Variants in UQCRB observed in about 807,000 individuals in gnomAD.
The protein encoded by UQCRB is ubiquinol-cytochrome c reductase binding protein, also known as cytochrome b-c1 complex subunit 7.
In UQCRB, 12 loss-of-function variants were observed where a neutral mutation model predicts 19.8. The observed-to-expected ratio is 0.61, with a 90% CI of 0.39 to 0.98. The LOEUF is 0.98. Ranked by LOEUF, UQCRB falls within the 50% of genes least tolerant of loss-of-function variation. UQCRB has a pLI of 0.00. For synonymous variants in UQCRB, 39 were observed against 42.9 expected (o/e 0.91, Z 0.35); for missense variants, 142 against 131.8 (o/e 1.08, Z -0.38).
chr8:96,235,353 G>C, intron 1 of UQCRB, 159 bp downstream of exon 1: 1 of 1,095,320 alleles, frequency 9.1e-7, no homozygotes, highest in South Asian at 1.3e-5. Flanking sequence ...GACAGCAAAC[G>C]AGTGGGGAAG....
chr8:96,225,751 G>A lies in UQCRB; in HGVS notation c.*5304C>T, dbSNP rs570231256. ...AGGCCCTGATTCCCATCCAGGTTTA[G>A]TTAGTTTACCTTCTCCATGTTTCCA... is the stretch of plus-strand genomic sequence containing the variant. On this transcript the variant is annotated 3_prime_UTR_variant, in exon 4 of 4. Transcript: ENST00000287022. 6.6e-6 allele frequency among the ~76,000 whole-genome samples: 1 copy of A among 151,934 alleles called. No homozygotes were observed. The highest frequency in any genetic ancestry group is 1.9e-4 in the East Asian group (1 of 5,180).
At position 96,232,227 on chromosome 8, in the gene UQCRB, A is replaced by G. The variant is rs1028806348; in HGVS notation, c.92-287T>C. The G allele has an allele frequency of 1.1e-4, 41 of 362,840 alleles. No individual in the cohort carries two copies. In the Middle Eastern group the frequency reaches 4.1e-3, roughly 36 times the overall value. 22.5% of individuals were successfully genotyped at this position (362,840 alleles called of 1,614,324 possible). On this transcript the variant is annotated intron_variant, in intron 2 of 3. Coordinates refer to ENST00000287022, the MANE Select transcript of UQCRB (RefSeq NM_006294.5). ...GCCTCTTAAAATCCAATGCCACAAA[A>G]TTCATATTTTATCTAAACCATTTAC... is the stretch of plus-strand genomic sequence containing the variant.
chr8:96,227,534 T>C lies in UQCRB; in HGVS notation c.*3521A>G. 1 of 454,148 alleles carries C rather than the reference T, an allele frequency of 2.2e-6. No homozygotes were observed. Among genetic ancestry groups the C allele is most frequent in the Non-Finnish European group, 4.4e-6 (1 of 226,796 alleles). 28.1% of individuals were successfully genotyped at this position (454,148 alleles called of 1,614,324 possible). A position where few individuals can be genotyped will look rare whatever the true frequency, so the allele number is the denominator to read the frequency against. On this transcript the variant is annotated 3_prime_UTR_variant, in exon 4 of 4. Coordinates refer to ENST00000287022, the MANE Select transcript of UQCRB (RefSeq NM_006294.5). ...CTGATACTGTCCCTCCTAAAATCCA[T>C]GCTTCCTCCCATACACCATAAACCC...
chr8:96,223,320 T>C lies in UQCRB; in HGVS notation c.*7735A>G, dbSNP rs1017269443. 2.6e-5 allele frequency among the ~76,000 whole-genome samples: 4 copies of C among 152,184 alleles called. No homozygotes were observed. The highest frequency in any genetic ancestry group is 6.6e-5 in the Admixed American group (1 of 15,266). On this transcript the variant is annotated 3_prime_UTR_variant, in exon 4 of 4. Coordinates refer to ENST00000287022, the MANE Select transcript of UQCRB (RefSeq NM_006294.5). Reference sequence around the variant, plus strand: ...TAAAAAAGAAAAGACAACATAGCAATTTCAAGGAAGACAGAATTTAACTTT... The same window carrying C: ...TAAAAAAGAAAAGACAACATAGCAACTTCAAGGAAGACAGAATTTAACTTT...
In UQCRB at chr8:96,223,867, A is replaced by T. The variant is rs1045819483; in HGVS notation, c.*7188T>A. Among the ~76,000 whole-genome samples the T allele has an allele frequency of 1.2e-4, 19 of 152,276 alleles. No individual in the cohort carries two copies. Among genetic ancestry groups the T allele is most frequent in the African/African-American group, 4.6e-4 (19 of 41,560 alleles). ...CTGCATTAAATTGTGTAGAAGAGTA[A>T]GTCTCTGATTGGAAGCAGATCTATC... On this transcript the variant is annotated 3_prime_UTR_variant, in exon 4 of 4. Transcript: ENST00000287022.
intron 1 of UQCRB, chr8:96,234,677 A>C: frequency 2.4e-6 from 1 of 418,266 alleles, no homozygotes; most frequent in South Asian, 1.9e-5. Flanking sequence ...GAAAAGGATC[A>C]ACATTTTTTA....
At position 96,230,057 on chromosome 8, in the gene UQCRB, A is replaced by G; in HGVS notation, c.*998T>C. On this transcript the variant is annotated 3_prime_UTR_variant, in exon 4 of 4. Transcript: ENST00000287022. ...CAAAGAAAGCATTTCAGAATTTAGG[A>G]GTGGAAATGATGACAACATTGAATA... 2.2e-6 allele frequency: 1 copy of G among 454,032 alleles called. No individual in the cohort carries two copies. The highest frequency in any genetic ancestry group is 2.3e-5 in the Admixed American group (1 of 42,572). 28.1% of individuals were successfully genotyped at this position (454,032 alleles called of 1,614,324 possible). A position where few individuals can be genotyped will look rare whatever the true frequency, so the allele number is the denominator to read the frequency against.
Position 96,230,706 on chromosome 8 carries a change from A to G in UQCRB, c.*349T>C. The G allele has an allele frequency of 4.2e-6, 2 of 479,836 alleles. No individual in the cohort carries two copies. Among genetic ancestry groups the G allele is most frequent in the Non-Finnish European group, 8.1e-6 (2 of 245,688 alleles). The allele number at this position is 479,836 out of a possible 1,614,324, so 29.7% of individuals were successfully genotyped here. On this transcript the variant is annotated 3_prime_UTR_variant, in exon 4 of 4. Coordinates refer to ENST00000287022, the MANE Select transcript of UQCRB (RefSeq NM_006294.5). ...TCAATCTTGGCAAACTAGGGGGTGC[A>G]TACCCCCTTCTTTTATTCAGTAGCT...
chr8:96,232,493 T>C (rs1809699402), intron 2 of UQCRB: 1 of 154,148 alleles, frequency 6.5e-6, no homozygotes, highest in East Asian at 1.9e-4. Flanking sequence ...TGATAAAATT[T>C]TAATATTCAA....
intron 3 of UQCRB, 140 bp downstream of exon 3, chr8:96,231,634 T>C: frequency 7.1e-7 from 1 of 1,398,818 alleles, no homozygotes; most frequent in Non-Finnish European, 1.0e-6. Flanking sequence ...AAAACGGAAA[T>C]AACATTTGCT....
At position 96,229,728 on chromosome 8, in the gene UQCRB, T is replaced by C. The variant is rs569702372; in HGVS notation, c.*1327A>G. 2 of 453,512 alleles carry C rather than the reference T, an allele frequency of 4.4e-6. No individual in the cohort carries two copies. The highest frequency in any genetic ancestry group is 8.8e-6 in the Non-Finnish European group (2 of 226,706). The allele number at this position is 453,512 out of a possible 1,614,324, so 28.1% of individuals were successfully genotyped here. A position where few individuals can be genotyped will look rare whatever the true frequency, so the allele number is the denominator to read the frequency against. ...ACCATACAAAAGAAAATTGACATGA[T>C]TTCAGGATAGGTTTAGAAAAATAAC... On this transcript the variant is annotated 3_prime_UTR_variant, in exon 4 of 4. Coordinates refer to ENST00000287022, the MANE Select transcript of UQCRB (RefSeq NM_006294.5).
chr8:96,231,193 A>G (rs763051469), intron 3 of UQCRB, 61 bp from the exon 4 acceptor site: 4 of 1,613,774 alleles, frequency 2.5e-6, no homozygotes, highest in Non-Finnish European at 3.4e-6. Context: ...CAAACACTCA[A>G]CAGGTCTTCA....
intron 1 of UQCRB, chr8:96,235,272 A>G: frequency 1.6e-6 from 1 of 620,638 alleles, no homozygotes; most frequent in Non-Finnish European, 2.9e-6. Context: ...CAGGGCTGTC[A>G]GAGCCACCGC....
At chr8:96,231,223 T>A in intron 3 of UQCRB, 91 bp from the exon 4 acceptor site, 1 of 1,612,330 alleles carries the variant, frequency 6.2e-7, no homozygotes, top group East Asian at 2.2e-5. Context: ...AAAAAGCAAT[T>A]ACTTTTGAAT....
chr8:96,227,858 G>T lies in UQCRB; in HGVS notation c.*3197C>A, dbSNP rs1278041307. On this transcript the variant is annotated 3_prime_UTR_variant, in exon 4 of 4. Transcript: ENST00000287022. ...AAAATGTACACTTTGGATTTATTAA[G>T]ATTCTAGAATTTAAAAACAGGAAAA... is the stretch of plus-strand genomic sequence containing the variant. The T allele has an allele frequency of 2.2e-6, 1 of 454,004 alleles. No homozygotes were observed. Among genetic ancestry groups the T allele is most frequent in the Non-Finnish European group, 4.4e-6 (1 of 226,766 alleles). The allele number at this position is 454,004 out of a possible 1,614,324, so 28.1% of individuals were successfully genotyped here. A position where few individuals can be genotyped will look rare whatever the true frequency, so the allele number is the denominator to read the frequency against.
rs1295076450 is a variant in UQCRB at position 96,229,027 on chromosome 8, T to C, written c.*2028A>G. Reference sequence around the variant, plus strand: ...CACCCATTCACCTGTGTGAGCCAAATACTAGATCTACTTTCTTAGTCTTCA... The same window carrying C: ...CACCCATTCACCTGTGTGAGCCAAACACTAGATCTACTTTCTTAGTCTTCA... On this transcript the variant is annotated 3_prime_UTR_variant, in exon 4 of 4. Coordinates refer to ENST00000287022, the MANE Select transcript of UQCRB (RefSeq NM_006294.5). 2.2e-6 allele frequency: 1 copy of C among 454,010 alleles called. No individual in the cohort carries two copies. Among genetic ancestry groups the C allele is most frequent in the Non-Finnish European group, 4.4e-6 (1 of 226,802 alleles). 28.1% of individuals were successfully genotyped at this position (454,010 alleles called of 1,614,324 possible).
In UQCRB at chr8:96,227,674, A is replaced by G. The variant is rs1328821123; in HGVS notation, c.*3381T>C. The stretch of plus-strand genomic sequence containing the variant: ...TTTCAAAGCTACACACAGGATGCCC[A>G]TATTTTTAAAACTCCATCCTATTTG... On this transcript the variant is annotated 3_prime_UTR_variant, in exon 4 of 4. Transcript: ENST00000287022. 29 of 453,914 alleles carry G rather than the reference A, an allele frequency of 6.4e-5. No individual in the cohort carries two copies. The highest frequency in any genetic ancestry group is 7.5e-5 in the Non-Finnish European group (17 of 226,732). 28.1% of individuals were successfully genotyped at this position (453,914 alleles called of 1,614,324 possible). A position where few individuals can be genotyped will look rare whatever the true frequency, so the allele number is the denominator to read the frequency against.
chr8:96,229,198 C>A lies in UQCRB; in HGVS notation c.*1857G>T, dbSNP rs1333899543. On this transcript the variant is annotated 3_prime_UTR_variant, in exon 4 of 4. Transcript: ENST00000287022. ...GCATACACTTTGGCTTTAGGAAGAA[C>A]TCTTACAAAATCAGAGGTTGCCTTA... 1 of 454,006 alleles carries A rather than the reference C, an allele frequency of 2.2e-6. No individual in the cohort carries two copies. The highest frequency in any genetic ancestry group is 6.9e-5 in the East Asian group (1 of 14,408). The allele number at this position is 454,006 out of a possible 1,614,324, so 28.1% of individuals were successfully genotyped here. A position where few individuals can be genotyped will look rare whatever the true frequency, so the allele number is the denominator to read the frequency against.
intron 1 of UQCRB, 91 bp from the exon 2 acceptor site, chr8:96,233,318 G>T: frequency 8.7e-7 from 1 of 1,147,956 alleles, no homozygotes; most frequent in South Asian, 1.2e-5. Flanking sequence ...TTATCTTGCT[G>T]ATGAATGCAA....
Sources: allele counts gnomAD v4.1 joint callset (sites outside exome capture counted in the v4.1 genomes callset), GRCh38; gene constraint gnomAD v4.1.1; transcripts MANE v1.5; gene names NCBI Gene and HGNC (gene_info 2026-07-23, HGNC 2026-07-21).